The following RNF180 variants were observed in gnomAD, a reference collection of about 807,000 sequenced individuals.
The protein encoded by RNF180 is E3 ubiquitin-protein ligase RNF180.
A neutral mutation model predicts 59.2 loss-of-function variants in RNF180; 38 were observed. The ratio of observed to expected loss-of-function variants is 0.64; its 90% CI spans 0.50 to 0.84. RNF180 has a LOEUF of 0.84. RNF180 is among the 40% of genes least tolerant of loss of function. The probability of loss-of-function intolerance (pLI) is 0.00; values close to 1 mark genes in which losing one functional copy is unlikely to be tolerated. For missense variants in RNF180, 705 were observed against 700.9 expected, an observed-to-expected ratio of 1.01 and a Z score of -0.07; for synonymous variants, 262 against 240.3, an observed-to-expected ratio of 1.09 and a Z score of -0.84.
intron 2 of RNF180, among the ~76,000 whole-genome samples, chr5:64,202,982 T>C (rs1280922387): frequency 1.3e-5 from 2 of 152,242 alleles, no homozygotes; most frequent in East Asian, 3.8e-4. Flanking sequence ...CTGCCTTTGC[T>C]CTTCCTTCAG....
At chr5:64,335,132 A>G (rs1745066526) in intron 7 of RNF180, among the ~76,000 whole-genome samples, 1 of 152,148 alleles carries the variant, frequency 6.6e-6, no homozygotes, top group African/African-American at 2.4e-5. Context: ...ACATATCTTT[A>G]TATGTGTATT....
intron 7 of RNF180, among the ~76,000 whole-genome samples, chr5:64,341,100 C>G (rs1745338122): frequency 6.6e-6 from 1 of 152,250 alleles, no homozygotes; most frequent in South Asian, 2.1e-4. Flanking sequence ...AAAACACTTG[C>G]ATTTATAAAA....
Position 64,344,842 on chromosome 5 carries a change from T to C in RNF180, c.1579+14436T>C, listed in dbSNP as rs186849940. On this transcript the variant is annotated intron_variant, in intron 7 of 7. Coordinates refer to ENST00000389100, the MANE Select transcript of RNF180 (RefSeq NM_001113561.2). ...ATTCTGCTTCATCTGTGCAGCTGAG[T>C]TGATTGAATAAATGGACTGAGACTT... 1.5e-3 allele frequency among the ~76,000 whole-genome samples: 223 copies of C among 151,942 alleles called. 1 individual carries two copies. The highest frequency in any genetic ancestry group is 5.2e-3 in the African/African-American group (214 of 41,442).
At chr5:64,301,701 ATG>A (rs3069547) in intron 5 of RNF180, among the ~76,000 whole-genome samples, 53 of 148,474 alleles carry the variant, frequency 3.6e-4, no homozygotes, top group Middle Eastern at 3.5e-3. Context: ...CCACATCAGA[ATG>A]TGTGTGTGTG....
chr5:64,168,412 G>A lies in RNF180; in HGVS notation c.-1+2459G>A, dbSNP rs150868274. The stretch of plus-strand genomic sequence containing the variant: ...GTTAGAATTTGCAACCTTCCCAGAA[G>A]TCTACTACAAAGGGGACAGTGCTTA... On this transcript the variant is annotated intron_variant, in intron 1 of 7. Transcript: ENST00000389100. Among the ~76,000 whole-genome samples, 643 of 152,292 alleles carry A rather than the reference G, an allele frequency of 4.2e-3. 5 individuals are homozygous for A. The highest frequency in any genetic ancestry group is 0.014 in the African/African-American group (600 of 41,564).
chr5:64,232,078 C>A (rs1277318060), intron 5 of RNF180, among the ~76,000 whole-genome samples: 1 of 152,120 alleles, frequency 6.6e-6, no homozygotes, highest in African/African-American at 2.4e-5. Context: ...ATACTAAGTG[C>A]CAGACGTTTC....
At chr5:64,273,144 TA>T (rs933569962) in intron 5 of RNF180, among the ~76,000 whole-genome samples, 1 of 151,806 alleles carries the variant, frequency 6.6e-6, no homozygotes, top group African/African-American at 2.4e-5. Flanking sequence ...ATTAGCATGC[TA>T]AAAAACACTC....
At chr5:64,178,515 A>G (rs1429403005) in intron 1 of RNF180, among the ~76,000 whole-genome samples, 1 of 152,192 alleles carries the variant, frequency 6.6e-6, no homozygotes, top group Non-Finnish European at 1.5e-5. Flanking sequence ...AGTTACAGTT[A>G]ATGTTTTATG....
intron 5 of RNF180, among the ~76,000 whole-genome samples, chr5:64,256,090 C>G (rs1323055812): frequency 1.3e-5 from 2 of 152,018 alleles, no homozygotes; most frequent in Admixed American, 6.6e-5. Context: ...ATTGTAGATT[C>G]TGGATATTAG....
At chr5:64,349,190 T>C (rs1745679334) in intron 7 of RNF180, among the ~76,000 whole-genome samples, 1 of 152,086 alleles carries the variant, frequency 6.6e-6, no homozygotes, top group Admixed American at 6.6e-5. Flanking sequence ...AGTCCCCTTA[T>C]ATTTCCAAAT....
chr5:64,249,584 T>G (rs1052063779), intron 5 of RNF180, among the ~76,000 whole-genome samples: 1 of 151,356 alleles, frequency 6.6e-6, no homozygotes, highest in African/African-American at 2.5e-5. Context: ...GGAGACTAAC[T>G]TGACTTCTAA....
chr5:64,195,710 C>T (rs565339104), intron 1 of RNF180, among the ~76,000 whole-genome samples: 1 of 152,266 alleles, frequency 6.6e-6, no homozygotes, highest in South Asian at 2.1e-4. Context: ...GTGAGCTATA[C>T]AGACATTTAA....
chr5:64,236,738 G>T (rs574648109), intron 5 of RNF180, among the ~76,000 whole-genome samples: 1 of 152,112 alleles, frequency 6.6e-6, no homozygotes, highest in Non-Finnish European at 1.5e-5. Context: ...TGCTCTGTGC[G>T]GCTTCAGGCC....
intron 4 of RNF180, among the ~76,000 whole-genome samples, chr5:64,214,992 G>A (rs1208680366): frequency 1.3e-5 from 2 of 151,846 alleles, no homozygotes; most frequent in African/African-American, 4.8e-5. Context: ...CTTAATCATG[G>A]GCTCACACGA....
At chr5:64,165,713 G>GGGGCGAGCAGGGCCGCTGGCTGTGGC (rs1211806888), upstream of RNF180, 2 of 152,328 alleles carry the variant, frequency 1.3e-5, no homozygotes, top group African/African-American at 4.8e-5. Context: ...CCGCAGACGT[G>GGGGCGAGCAGGGCCGCTGGCTGTGGC]GGGCGAGCAG....
chr5:64,194,466 C>T (rs979314408), intron 1 of RNF180, among the ~76,000 whole-genome samples: 11 of 152,074 alleles, frequency 7.2e-5, no homozygotes, highest in African/African-American at 2.7e-4. Flanking sequence ...AATAAACATC[C>T]GTGTGCATGT....
intron 5 of RNF180, among the ~76,000 whole-genome samples, chr5:64,286,052 C>T (rs1450886337): frequency 3.3e-5 from 5 of 152,104 alleles, no homozygotes; most frequent in Non-Finnish European, 7.3e-5. Context: ...AGGAACAAGT[C>T]CCAGTATGGG....
chr5:64,366,950 T>C (rs1267805044), intron 7 of RNF180, among the ~76,000 whole-genome samples: 1 of 151,154 alleles, frequency 6.6e-6, no homozygotes, highest in Non-Finnish European at 1.5e-5. Flanking sequence ...CTATCAAGAG[T>C]CAAAGATAGA....
chr5:64,187,658 T>A (rs1435637894), intron 1 of RNF180, among the ~76,000 whole-genome samples: 1 of 152,190 alleles, frequency 6.6e-6, no homozygotes, highest in Non-Finnish European at 1.5e-5. Context: ...TCTATTTGTG[T>A]AGATGAAGTA....
Sources: gnomAD v4.1 joint callset for allele counts (sites outside exome capture counted in the v4.1 genomes callset) on GRCh38, gnomAD v4.1.1 for gene constraint, MANE v1.5 for transcripts, NCBI Gene and HGNC (gene_info 2026-07-23, HGNC 2026-07-21) for gene names.